The following AK7 variants were observed in gnomAD, a reference collection of about 807,000 sequenced individuals.
AK7 encodes ATP-AMP transphosphorylase 7.
Under a neutral mutation model 96.6 loss-of-function variants are expected in AK7, and 78 were observed. The ratio of observed to expected loss-of-function variants is 0.81; its 90% CI spans 0.67 to 0.97. The LOEUF (loss-of-function observed/expected upper bound fraction) is 0.97. AK7 is among the 50% of genes least tolerant of loss of function. AK7 has a pLI of 0.00. For synonymous variants in AK7, 302 were observed against 317.2 expected (o/e 0.95, Z 0.51); for missense variants, 855 against 887.9 (o/e 0.96, Z 0.47).
At chr14:96,476,596 A>C (rs924173275) in intron 14 of AK7, among the ~76,000 whole-genome samples, 1 of 152,118 alleles carries the variant, frequency 6.6e-6, no homozygotes, top group Admixed American at 6.6e-5. Flanking sequence ...CTTACCAAGC[A>C]GAAATCTATT....
In AK7 at chr14:96,488,409, T is replaced by C. The variant is rs1895896245; in HGVS notation, c.*66T>C. On this transcript the variant is annotated 3_prime_UTR_variant, in exon 18 of 18. Transcript: ENST00000267584. ...AGATCACTTATTATACTTTGAAAAA[T>C]TGCTTTGAAAAATGCTTTTCCAGTT... 12 of 1,449,566 alleles carry C rather than the reference T, an allele frequency of 8.3e-6. No individual in the cohort carries two copies. Among genetic ancestry groups the C allele is most frequent in the Admixed American group, 2.2e-5 (1 of 45,670 alleles). The allele number at this position is 1,449,566 out of a possible 1,614,324, so 89.8% of individuals were successfully genotyped here.
At chr14:96,393,374 T>A (rs1889866452) in intron 1 of AK7, among the ~76,000 whole-genome samples, 1 of 152,230 alleles carries the variant, frequency 6.6e-6, no homozygotes, top group Non-Finnish European at 1.5e-5. Context: ...TTTCTAGGGC[T>A]GTGGTAACCA....
chr14:96,458,884 TCA>T (rs1315196352), intron 12 of AK7, among the ~76,000 whole-genome samples: 1 of 117,782 alleles, frequency 8.5e-6, no homozygotes, highest in Non-Finnish European at 1.6e-5. Context: ...CACTCCAGCC[TCA>T]GTGACAGAGT....
At chr14:96,424,234 C>G (rs1409191383) in intron 5 of AK7, 2 of 451,134 alleles carry the variant, frequency 4.4e-6, no homozygotes, top group Non-Finnish European at 4.0e-6. Context: ...CCGAGCGGAG[C>G]GCGCAGCCGG....
At chr14:96,457,235 A>G (rs1403036360) in intron 11 of AK7, among the ~76,000 whole-genome samples, 1 of 151,500 alleles carries the variant, frequency 6.6e-6, no homozygotes, top group African/African-American at 2.4e-5. Flanking sequence ...TAATTTTTGT[A>G]TTTTTAGTAG....
intron 10 of AK7, among the ~76,000 whole-genome samples, chr14:96,456,045 C>G (rs1017913046): frequency 2.0e-5 from 3 of 151,922 alleles, no homozygotes; most frequent in African/African-American, 7.3e-5. Context: ...TTGAGACCAG[C>G]CTGGCCAACA....
intron 11 of AK7, 32 bp downstream of exon 11, chr14:96,456,507 T>G (rs1325317741): frequency 5.6e-6 from 9 of 1,604,916 alleles, no homozygotes; most frequent in Non-Finnish European, 6.8e-6. Context: ...CTGGGCATTT[T>G]AATTAATTAC....
intron 12 of AK7, among the ~76,000 whole-genome samples, chr14:96,468,684 G>A (rs182227031): frequency 1.0e-3 from 156 of 152,246 alleles, no homozygotes; most frequent in Non-Finnish European, 4.1e-4. Context: ...GGGGACAGAA[G>A]CCAGGTTGTC....
At chr14:96,403,684 C>G (rs1010547989) in intron 2 of AK7, among the ~76,000 whole-genome samples, 3 of 152,252 alleles carry the variant, frequency 2.0e-5, no homozygotes, top group Admixed American at 1.3e-4. Context: ...TACAGTTGGT[C>G]AAGGAACTGC....
intron 2 of AK7, among the ~76,000 whole-genome samples, chr14:96,402,156 A>G (rs1340998806): frequency 6.6e-6 from 1 of 150,654 alleles, no homozygotes; most frequent in Non-Finnish European, 1.5e-5. Flanking sequence ...GTATAATATA[A>G]ATCTTCTCAA....
chr14:96,479,079 T>A (rs1026340886), intron 15 of AK7, among the ~76,000 whole-genome samples: 1 of 151,746 alleles, frequency 6.6e-6, no homozygotes. Context: ...TGATTAATTT[T>A]TTTTTCTTTT....
chr14:96,397,224 G>T (rs1423704974), intron 1 of AK7, among the ~76,000 whole-genome samples: 1 of 152,006 alleles, frequency 6.6e-6, no homozygotes, highest in Non-Finnish European at 1.5e-5. Flanking sequence ...ATAATATTTT[G>T]GATATATTGC....
intron 1 of AK7, among the ~76,000 whole-genome samples, chr14:96,395,956 CAT>C (rs1890057756): frequency 6.6e-6 from 1 of 151,714 alleles, no homozygotes; most frequent in Admixed American, 6.6e-5. Flanking sequence ...GGATTACAGG[CAT>C]GTGCCACCAT....
rs181637997 is a variant in AK7, at chr14:96,419,852, G to A, written c.499-970G>A. Among the ~76,000 whole-genome samples, 686 of 140,648 alleles carry A rather than the reference G, an allele frequency of 4.9e-3. 4 individuals are homozygous for A. Among genetic ancestry groups the A allele is most frequent in the African/African-American group, 0.017 (638 of 37,568 alleles). 92.3% of individuals were successfully genotyped at this position (140,648 alleles called of 152,430 possible). A position where few individuals can be genotyped will look rare whatever the true frequency, so the allele number is the denominator to read the frequency against. ...CCCCCAGGCTGGAGTGCAATGGCGC[G>A]ATTTCGGCTCACTGCAACATCCGCC... On this transcript the variant is annotated intron_variant, in intron 4 of 17. Transcript: ENST00000267584.
intron 17 of AK7, among the ~76,000 whole-genome samples, chr14:96,487,383 CAAA>C (rs150742803): frequency 2.1e-5 from 1 of 46,752 alleles, no homozygotes; most frequent in East Asian, 7.1e-4. Flanking sequence ...GACTCCGTCT[CAAA>C]AAAAAAAAAA....
chr14:96,414,888 G>A (rs371631957), intron 4 of AK7, among the ~76,000 whole-genome samples: 55 of 151,530 alleles, frequency 3.6e-4, no homozygotes, highest in African/African-American at 1.2e-3. Flanking sequence ...GATTAGCTGG[G>A]ACTACAGGCA....
At chr14:96,470,622 A>C (rs1414335982) in intron 12 of AK7, among the ~76,000 whole-genome samples, 1 of 152,140 alleles carries the variant, frequency 6.6e-6, no homozygotes, top group Non-Finnish European at 1.5e-5. Context: ...CTGAGGTCAG[A>C]AATGCCAACT....
chr14:96,407,580 C>CTTTTTTTT (rs11364736), intron 3 of AK7, among the ~76,000 whole-genome samples: 3 of 60,310 alleles, frequency 5.0e-5, no homozygotes, highest in African/African-American at 9.7e-5. Flanking sequence ...TCTTTCTTTT[C>CTTTTTTTT]TTTTTTTTTT....
chr14:96,425,706 A>G (rs1181131525), intron 5 of AK7, among the ~76,000 whole-genome samples: 3 of 151,520 alleles, frequency 2.0e-5, no homozygotes, highest in Non-Finnish European at 2.9e-5. Context: ...CTGGTCTTGA[A>G]CTCCTGACCT....
Sources: gnomAD v4.1 joint callset for allele counts (sites outside exome capture counted in the v4.1 genomes callset) on GRCh38, gnomAD v4.1.1 for gene constraint, MANE v1.5 for transcripts, NCBI Gene and HGNC (gene_info 2026-07-23, HGNC 2026-07-21) for gene names.